Variants in TERC observed in about 807,000 individuals in gnomAD.
TERC encodes small Cajal body-specific RNA 19.
In TERC at chr3:169,764,954, C is replaced by T. The variant is rs1553915617; in HGVS notation, n.107G>A. On this transcript the variant is annotated non_coding_transcript_exon_variant, in exon 1 of 1. Coordinates refer to ENST00000602385, the Ensembl canonical transcript of TERC. This position sits in a 1 kb window ranked among gnomAD's most constrained non-coding sequence, Gnocchi z 4.3. ...GGCTTTTCCGCCCGCTGAAAGTCAG[C>T]GAGAAAAACAGCGCGCGGGGAGCAA... The T allele has an allele frequency of 1.3e-6, 1 of 765,436 alleles. No individual in the cohort carries two copies. 47.4% of individuals were successfully genotyped at this position (765,436 alleles called of 1,614,324 possible). A position where few individuals can be genotyped will look rare whatever the true frequency, so the allele number is the denominator to read the frequency against.
At position 169,764,854 on chromosome 3, in the gene TERC, C is replaced by G. The variant is rs752668578; in HGVS notation, n.207G>C. On this transcript the variant is annotated non_coding_transcript_exon_variant, in exon 1 of 1. Coordinates refer to ENST00000602385, the Ensembl canonical transcript of TERC. This position sits in a 1 kb window ranked among gnomAD's most constrained non-coding sequence, Gnocchi z 4.3. ...TGGGCAGGCGACCCGCCGCAGGTCC[C>G]CGGGAGGGGCGAACGGGCCAGCAGC... The G allele has an allele frequency of 1.3e-6, 1 of 750,960 alleles. No individual in the cohort carries two copies. The allele number at this position is 750,960 out of a possible 1,614,324, so 46.5% of individuals were successfully genotyped here.
At position 169,764,805 on chromosome 3, in the gene TERC, G is replaced by A. The variant is rs1777960849; in HGVS notation, n.256C>T. ...TCCGGAGAAGCCCCGGGCCGACCGC[G>A]GCCTCCAGGCGGGGTTCGGGGGCTG... On this transcript the variant is annotated non_coding_transcript_exon_variant, in exon 1 of 1. Coordinates refer to ENST00000602385, the Ensembl canonical transcript of TERC. The surrounding 1 kb of genome is among the most constrained non-coding windows in gnomAD (Gnocchi z 4.3). 1.4e-6 allele frequency: 1 copy of A among 730,178 alleles called. No individual in the cohort carries two copies. 45.2% of individuals were successfully genotyped at this position (730,178 alleles called of 1,614,324 possible). A position where few individuals can be genotyped will look rare whatever the true frequency, so the allele number is the denominator to read the frequency against.
exon 1 of TERC, chr3:169,765,019 A>G (rs1264814049): frequency 1.3e-6 from 1 of 765,288 alleles, no homozygotes; most frequent in African/African-American, 1.7e-5. Context: ...GGGTTAGACA[A>G]AAAATGGCCA....
chr3:169,764,896 C>T lies in TERC; in HGVS notation n.165G>A, dbSNP rs367842608. 6 of 764,582 alleles carry T rather than the reference C, an allele frequency of 7.8e-6. No individual in the cohort carries two copies. The highest frequency in any genetic ancestry group is 1.2e-5 in the Non-Finnish European group (5 of 417,648). The allele number at this position is 764,582 out of a possible 1,614,324, so 47.4% of individuals were successfully genotyped here. On this transcript the variant is annotated non_coding_transcript_exon_variant, in exon 1 of 1. Coordinates refer to ENST00000602385, the Ensembl canonical transcript of TERC. The surrounding 1 kb of genome is among the most constrained non-coding windows in gnomAD (Gnocchi z 4.3). ...GCCAGCAGCTGACATTTTTTGTTTG[C>T]TCTAGAATGAACGGTGGAAGGCGGC...
In TERC at chr3:169,764,612, A is replaced by G; in HGVS notation, n.449T>C. On this transcript the variant is annotated non_coding_transcript_exon_variant, in exon 1 of 1. Transcript: ENST00000602385. The surrounding 1 kb of genome is among the most constrained non-coding windows in gnomAD (Gnocchi z 4.3). The stretch of plus-strand genomic sequence containing the variant: ...CCCCACCAACAGGAAAGCGAACTGC[A>G]TGTGTGAGCCGAGTCCTGGGTGCAC... 1.5e-6 allele frequency: 1 copy of G among 685,666 alleles called. No homozygotes were observed. Among genetic ancestry groups the G allele is most frequent in the South Asian group, 1.6e-5 (1 of 63,738 alleles). The allele number at this position is 685,666 out of a possible 1,614,324, so 42.5% of individuals were successfully genotyped here. A position where few individuals can be genotyped will look rare whatever the true frequency, so the allele number is the denominator to read the frequency against.
In TERC at chr3:169,765,033, C is replaced by T. The variant is rs757982667; in HGVS notation, n.28G>A. 1 of 765,172 alleles carries T rather than the reference C, an allele frequency of 1.3e-6. No homozygotes were observed. Among genetic ancestry groups the T allele is most frequent in the Non-Finnish European group, 2.4e-6 (1 of 417,814 alleles). The allele number at this position is 765,172 out of a possible 1,614,324, so 47.4% of individuals were successfully genotyped here. A position where few individuals can be genotyped will look rare whatever the true frequency, so the allele number is the denominator to read the frequency against. On this transcript the variant is annotated non_coding_transcript_exon_variant, in exon 1 of 1. Transcript: ENST00000602385. ...AGGGTTAGACAAAAAATGGCCACCA[C>T]CCCTCCCAGGCCCACCCTCCGCAAC...
Position 169,765,026 on chromosome 3 carries a change from G to A in TERC, n.35C>T, listed in dbSNP as rs199422260. 1.4e-5 allele frequency: 11 copies of A among 765,134 alleles called. No homozygotes were observed. Among genetic ancestry groups the A allele is most frequent in the Non-Finnish European group, 1.9e-5 (8 of 417,866 alleles). The allele number at this position is 765,134 out of a possible 1,614,324, so 47.4% of individuals were successfully genotyped here. A position where few individuals can be genotyped will look rare whatever the true frequency, so the allele number is the denominator to read the frequency against. On this transcript the variant is annotated non_coding_transcript_exon_variant, in exon 1 of 1. Coordinates refer to ENST00000602385, the Ensembl canonical transcript of TERC. ...CTCAGTTAGGGTTAGACAAAAAATG[G>A]CCACCACCCCTCCCAGGCCCACCCT... is the stretch of plus-strand genomic sequence containing the variant.
At position 169,765,015 on chromosome 3, in the gene TERC, G is replaced by C. The variant is rs1330995437; in HGVS notation, n.46C>G. 1.3e-6 allele frequency: 1 copy of C among 765,366 alleles called. No individual in the cohort carries two copies. The highest frequency in any genetic ancestry group is 2.4e-6 in the Non-Finnish European group (1 of 417,914). 47.4% of individuals were successfully genotyped at this position (765,366 alleles called of 1,614,324 possible). Reference sequence around the variant, plus strand: ...CCTACGCCCTTCTCAGTTAGGGTTAGACAAAAAATGGCCACCACCCCTCCC... The same window carrying C: ...CCTACGCCCTTCTCAGTTAGGGTTACACAAAAAATGGCCACCACCCCTCCC... On this transcript the variant is annotated non_coding_transcript_exon_variant, in exon 1 of 1. Coordinates refer to ENST00000602385, the Ensembl canonical transcript of TERC.
exon 1 of TERC, chr3:169,765,051 T>A (rs1393751019): frequency 1.3e-6 from 1 of 764,424 alleles, no homozygotes; most frequent in Non-Finnish European, 2.4e-6. Context: ...AGGCCCACCC[T>A]CCGCAACCCG....
In TERC at chr3:169,764,929, G is replaced by A. The variant is rs1160164639; in HGVS notation, n.132C>T. The A allele has an allele frequency of 1.3e-6, 1 of 765,374 alleles. No individual in the cohort carries two copies. Among genetic ancestry groups the A allele is most frequent in the Admixed American group, 1.7e-5 (1 of 59,048 alleles). 47.4% of individuals were successfully genotyped at this position (765,374 alleles called of 1,614,324 possible). A position where few individuals can be genotyped will look rare whatever the true frequency, so the allele number is the denominator to read the frequency against. On this transcript the variant is annotated non_coding_transcript_exon_variant, in exon 1 of 1. Transcript: ENST00000602385. The surrounding 1 kb of genome is among the most constrained non-coding windows in gnomAD (Gnocchi z 4.3). Reference sequence around the variant, plus strand: ...TGAACGGTGGAAGGCGGCAGGCCGAGGCTTTTCCGCCCGCTGAAAGTCAGC... The same window carrying A: ...TGAACGGTGGAAGGCGGCAGGCCGAAGCTTTTCCGCCCGCTGAAAGTCAGC...
At position 169,765,017 on chromosome 3, in the gene TERC, C is replaced by A; in HGVS notation, n.44G>T. Reference sequence around the variant, plus strand: ...TACGCCCTTCTCAGTTAGGGTTAGACAAAAAATGGCCACCACCCCTCCCAG... The same window carrying A: ...TACGCCCTTCTCAGTTAGGGTTAGAAAAAAAATGGCCACCACCCCTCCCAG... On this transcript the variant is annotated non_coding_transcript_exon_variant, in exon 1 of 1. Transcript: ENST00000602385. 3 of 765,320 alleles carry A rather than the reference C, an allele frequency of 3.9e-6. No homozygotes were observed. The highest frequency in any genetic ancestry group is 4.8e-6 in the Non-Finnish European group (2 of 417,882). 47.4% of individuals were successfully genotyped at this position (765,320 alleles called of 1,614,324 possible). A position where few individuals can be genotyped will look rare whatever the true frequency, so the allele number is the denominator to read the frequency against.
In TERC at chr3:169,764,804, C is replaced by T. The variant is rs1431733492; in HGVS notation, n.257G>A. On this transcript the variant is annotated non_coding_transcript_exon_variant, in exon 1 of 1. Coordinates refer to ENST00000602385, the Ensembl canonical transcript of TERC. The surrounding 1 kb of genome is among the most constrained non-coding windows in gnomAD (Gnocchi z 4.3). ...CTCCGGAGAAGCCCCGGGCCGACCGCGGCCTCCAGGCGGGGTTCGGGGGCT... is the reference window on the plus strand; with the variant it reads ...CTCCGGAGAAGCCCCGGGCCGACCGTGGCCTCCAGGCGGGGTTCGGGGGCT... 1.4e-6 allele frequency: 1 copy of T among 730,976 alleles called. No homozygotes were observed. Among genetic ancestry groups the T allele is most frequent in the Non-Finnish European group, 2.5e-6 (1 of 399,988 alleles). The allele number at this position is 730,976 out of a possible 1,614,324, so 45.3% of individuals were successfully genotyped here. A position where few individuals can be genotyped will look rare whatever the true frequency, so the allele number is the denominator to read the frequency against.
chr3:169,764,634 G>A lies in TERC; in HGVS notation n.427C>T, dbSNP rs1777957096. 1.4e-6 allele frequency: 1 copy of A among 720,938 alleles called. No individual in the cohort carries two copies. The highest frequency in any genetic ancestry group is 2.5e-6 in the Non-Finnish European group (1 of 394,254). 44.7% of individuals were successfully genotyped at this position (720,938 alleles called of 1,614,324 possible). On this transcript the variant is annotated non_coding_transcript_exon_variant, in exon 1 of 1. Transcript: ENST00000602385. The surrounding 1 kb of genome is among the most constrained non-coding windows in gnomAD (Gnocchi z 4.3). ...TGCATGTGTGAGCCGAGTCCTGGGT[G>A]CACGTCCCACAGCTCAGGGAATCGC...
Position 169,764,719 on chromosome 3 carries a change from C to T in TERC, n.342G>A. ...GCGGCCTGAAAGGCCTGAACCTCGCCCTCGCCCCCGAGAGACCCGCGGCTG... is the reference window on the plus strand; with the variant it reads ...GCGGCCTGAAAGGCCTGAACCTCGCTCTCGCCCCCGAGAGACCCGCGGCTG... On this transcript the variant is annotated non_coding_transcript_exon_variant, in exon 1 of 1. Coordinates refer to ENST00000602385, the Ensembl canonical transcript of TERC. The surrounding 1 kb of genome is among the most constrained non-coding windows in gnomAD (Gnocchi z 4.3). 1 of 757,630 alleles carries T rather than the reference C, an allele frequency of 1.3e-6. No homozygotes were observed. Among genetic ancestry groups the T allele is most frequent in the Non-Finnish European group, 2.4e-6 (1 of 414,460 alleles). 46.9% of individuals were successfully genotyped at this position (757,630 alleles called of 1,614,324 possible). A position where few individuals can be genotyped will look rare whatever the true frequency, so the allele number is the denominator to read the frequency against.
In TERC at chr3:169,764,826, G is replaced by A. The variant is rs1336382572; in HGVS notation, n.235C>T. The A allele has an allele frequency of 1.4e-6, 1 of 728,592 alleles. No individual in the cohort carries two copies. Among genetic ancestry groups the A allele is most frequent in the Admixed American group, 1.9e-5 (1 of 52,898 alleles). 45.1% of individuals were successfully genotyped at this position (728,592 alleles called of 1,614,324 possible). On this transcript the variant is annotated non_coding_transcript_exon_variant, in exon 1 of 1. Transcript: ENST00000602385. This position sits in a 1 kb window ranked among gnomAD's most constrained non-coding sequence, Gnocchi z 4.3. ...CCGCGGCCTCCAGGCGGGGTTCGGG[G>A]GCTGGGCAGGCGACCCGCCGCAGGT...
exon 1 of TERC, chr3:169,765,036 C>T (rs1164593038): frequency 1.3e-6 from 1 of 764,962 alleles, no homozygotes; most frequent in Non-Finnish European, 2.4e-6. Flanking sequence ...GCCACCACCC[C>T]TCCCAGGCCC....
rs1383015695 is a variant in TERC, at chr3:169,764,869, G to A, written n.192C>T. On this transcript the variant is annotated non_coding_transcript_exon_variant, in exon 1 of 1. Transcript: ENST00000602385. The surrounding 1 kb of genome is among the most constrained non-coding windows in gnomAD (Gnocchi z 4.3). The stretch of plus-strand genomic sequence containing the variant: ...CCGCAGGTCCCCGGGAGGGGCGAAC[G>A]GGCCAGCAGCTGACATTTTTTGTTT... 4.0e-6 allele frequency: 3 copies of A among 758,194 alleles called. No homozygotes were observed. Among genetic ancestry groups the A allele is most frequent in the Admixed American group, 1.7e-5 (1 of 58,026 alleles). 47.0% of individuals were successfully genotyped at this position (758,194 alleles called of 1,614,324 possible). A position where few individuals can be genotyped will look rare whatever the true frequency, so the allele number is the denominator to read the frequency against.
At position 169,764,912 on chromosome 3, in the gene TERC, G is replaced by A. The variant is rs200803024; in HGVS notation, n.149C>T. The A allele has an allele frequency of 5.2e-6, 4 of 765,216 alleles. No homozygotes were observed. The highest frequency in any genetic ancestry group is 2.4e-5 in the East Asian group (1 of 41,230). The allele number at this position is 765,216 out of a possible 1,614,324, so 47.4% of individuals were successfully genotyped here. A position where few individuals can be genotyped will look rare whatever the true frequency, so the allele number is the denominator to read the frequency against. On this transcript the variant is annotated non_coding_transcript_exon_variant, in exon 1 of 1. Coordinates refer to ENST00000602385, the Ensembl canonical transcript of TERC. This position sits in a 1 kb window ranked among gnomAD's most constrained non-coding sequence, Gnocchi z 4.3. ...TTTTGTTTGCTCTAGAATGAACGGTGGAAGGCGGCAGGCCGAGGCTTTTCC... is the reference window on the plus strand; with the variant it reads ...TTTTGTTTGCTCTAGAATGAACGGTAGAAGGCGGCAGGCCGAGGCTTTTCC...
rs781357040 is a variant in TERC, at chr3:169,764,911, T to C, written n.150A>G. 6 of 765,026 alleles carry C rather than the reference T, an allele frequency of 7.8e-6. No homozygotes were observed. The highest frequency in any genetic ancestry group is 1.7e-5 in the African/African-American group (1 of 59,142). 47.4% of individuals were successfully genotyped at this position (765,026 alleles called of 1,614,324 possible). ...TTTTTGTTTGCTCTAGAATGAACGG[T>C]GGAAGGCGGCAGGCCGAGGCTTTTC... On this transcript the variant is annotated non_coding_transcript_exon_variant, in exon 1 of 1. Coordinates refer to ENST00000602385, the Ensembl canonical transcript of TERC. This position sits in a 1 kb window ranked among gnomAD's most constrained non-coding sequence, Gnocchi z 4.3.
Sources: allele counts gnomAD v4.1 joint callset, GRCh38; gene constraint gnomAD v4.1.1; non-coding constraint Gnocchi (gnomAD v3.1); transcripts MANE v1.5; gene names NCBI Gene and HGNC (gene_info 2026-07-23, HGNC 2026-07-21).